The following TAFA1 variants were observed in gnomAD, a reference collection of about 807,000 sequenced individuals.
TAFA1 encodes the protein chemokine-like protein TAFA-1.
A neutral mutation model predicts 18.5 loss-of-function variants in TAFA1; 4 were observed. That is an observed-to-expected ratio of 0.22 (90% CI 0.11 to 0.49). The LOEUF is 0.49. Ranked by LOEUF, TAFA1 falls within the 20% of genes least tolerant of loss-of-function variation. The pLI, the probability that TAFA1 is intolerant of heterozygous loss-of-function variation, is 0.98. For missense variants in TAFA1, 147 were observed against 169.0 expected (o/e 0.87, Z 0.72); for synonymous variants, 56 against 55.2 (o/e 1.01, Z -0.06).
upstream of TAFA1, among the ~76,000 whole-genome samples, chr3:68,000,277 C>T (rs1203086256): frequency 1.3e-5 from 2 of 152,314 alleles, no homozygotes; most frequent in East Asian, 3.9e-4. Flanking sequence ...TCCTTGCCCT[C>T]ATGGTGATTG....
At chr3:68,467,787 G>T (rs928389053) in intron 3 of TAFA1, among the ~76,000 whole-genome samples, 1 of 152,156 alleles carries the variant, frequency 6.6e-6, no homozygotes, top group Non-Finnish European at 1.5e-5. Flanking sequence ...GGGGGTTCTG[G>T]CTAAACTGAT....
intron 3 of TAFA1, among the ~76,000 whole-genome samples, chr3:68,426,821 G>T (rs1416440326): frequency 2.6e-5 from 4 of 151,780 alleles, no homozygotes; most frequent in African/African-American, 9.7e-5. Flanking sequence ...TCTCTTGAAT[G>T]TTTAATTCTC....
At chr3:68,207,460 T>C (rs917802466) in intron 2 of TAFA1, among the ~76,000 whole-genome samples, 1 of 151,914 alleles carries the variant, frequency 6.6e-6, no homozygotes, top group African/African-American at 2.4e-5. Context: ...ATTTTGTTAG[T>C]GAAGTGAGAA....
chr3:68,092,077 T>G (rs1183502836), intron 2 of TAFA1, among the ~76,000 whole-genome samples: 1 of 152,076 alleles, frequency 6.6e-6, no homozygotes, highest in Non-Finnish European at 1.5e-5. Context: ...AAGCCCAAAT[T>G]CTGTAATAAG....
chr3:68,434,669 C>T (rs2071239302), intron 3 of TAFA1, among the ~76,000 whole-genome samples: 1 of 152,104 alleles, frequency 6.6e-6, no homozygotes, highest in Non-Finnish European at 1.5e-5. Flanking sequence ...GGTAGAATTA[C>T]TCAATATACT....
chr3:68,015,292 CTT>C (rs68104013), intron 2 of TAFA1, among the ~76,000 whole-genome samples: 1 of 145,342 alleles, frequency 6.9e-6, no homozygotes, highest in Non-Finnish European at 1.5e-5. Flanking sequence ...TTTTTCTTTC[CTT>C]TTTTTTTTTG....
chr3:68,508,685 A>C (rs1016470402), intron 3 of TAFA1, among the ~76,000 whole-genome samples: 1 of 152,146 alleles, frequency 6.6e-6, no homozygotes, highest in Admixed American at 6.6e-5. Flanking sequence ...TATGAGGGAA[A>C]TCAGACAAAA....
chr3:68,352,772 C>T (rs1039580446), intron 2 of TAFA1, among the ~76,000 whole-genome samples: 3 of 152,008 alleles, frequency 2.0e-5, no homozygotes, highest in African/African-American at 7.3e-5. Context: ...GCTGTTGTCC[C>T]ATTGTCAGTG....
chr3:68,411,558 C>T (rs912114285), intron 2 of TAFA1, among the ~76,000 whole-genome samples: 1 of 152,152 alleles, frequency 6.6e-6, no homozygotes, highest in Non-Finnish European at 1.5e-5. Flanking sequence ...AAATATTTGT[C>T]ATTTAATACT....
chr3:68,351,549 G>A (rs183357005), intron 2 of TAFA1, among the ~76,000 whole-genome samples: 20 of 152,118 alleles, frequency 1.3e-4, no homozygotes, highest in African/African-American at 4.6e-4. Flanking sequence ...ATTCATGGGG[G>A]ACACTCGGAG....
At chr3:68,184,453 C>T (rs777193917) in intron 2 of TAFA1, among the ~76,000 whole-genome samples, 2 of 152,036 alleles carry the variant, frequency 1.3e-5, no homozygotes, top group African/African-American at 4.8e-5. Context: ...ATGATAAGCA[C>T]TGTGTGCATG....
At chr3:68,110,203 C>T (rs2065248504) in intron 2 of TAFA1, among the ~76,000 whole-genome samples, 1 of 152,152 alleles carries the variant, frequency 6.6e-6, no homozygotes, top group Non-Finnish European at 1.5e-5. Context: ...TGGTTCAGCT[C>T]CCACTTAAGT....
At chr3:68,222,604 C>T (rs1314037134) in intron 2 of TAFA1, among the ~76,000 whole-genome samples, 1 of 152,138 alleles carries the variant, frequency 6.6e-6, no homozygotes, top group African/African-American at 2.4e-5. Flanking sequence ...AACATATTTT[C>T]TAATGGAGGA....
intron 2 of TAFA1, among the ~76,000 whole-genome samples, chr3:68,243,371 T>C (rs1308676359): frequency 1.6e-5 from 2 of 127,370 alleles, no homozygotes; most frequent in African/African-American, 5.9e-5. Flanking sequence ...TATGCTCACA[T>C]GGGTACCTTC....
At chr3:68,316,585 C>A (rs1163199356) in intron 2 of TAFA1, among the ~76,000 whole-genome samples, 12 of 152,028 alleles carry the variant, frequency 7.9e-5, no homozygotes, top group Admixed American at 6.5e-4. Context: ...GTCCAGAAAA[C>A]ATAATAAAAA....
chr3:68,312,747 C>G (rs1004826212), intron 2 of TAFA1, among the ~76,000 whole-genome samples: 1 of 152,196 alleles, frequency 6.6e-6, no homozygotes, highest in Non-Finnish European at 1.5e-5. Flanking sequence ...CAACCTCTGC[C>G]TGTTACCCAG....
intron 2 of TAFA1, among the ~76,000 whole-genome samples, chr3:68,389,733 G>A (rs2070185048): frequency 6.6e-6 from 1 of 151,972 alleles, no homozygotes; most frequent in African/African-American, 2.4e-5. Context: ...TGGGTGGGGT[G>A]TTACCCCACC....
chr3:68,216,204 G>GA (rs1387146882), intron 2 of TAFA1, among the ~76,000 whole-genome samples: 1 of 151,978 alleles, frequency 6.6e-6, no homozygotes, highest in African/African-American at 2.4e-5. Context: ...TTTTAAAGCA[G>GA]AAAAACTGCT....
intron 2 of TAFA1, among the ~76,000 whole-genome samples, chr3:68,133,485 C>A (rs972545117): frequency 6.6e-6 from 1 of 152,062 alleles, no homozygotes; most frequent in African/African-American, 2.4e-5. Flanking sequence ...AATATTTATT[C>A]TTCTGATCCA....
Sources: allele counts gnomAD v4.1 joint callset (sites outside exome capture counted in the v4.1 genomes callset), GRCh38; gene constraint gnomAD v4.1.1; transcripts MANE v1.5; gene names NCBI Gene and HGNC (gene_info 2026-07-23, HGNC 2026-07-21).